TTC7B: variants seen among roughly 807,000 people sequenced by gnomAD.
TTC7B encodes tetratricopeptide repeat protein 7B.
Under a neutral mutation model 106.8 loss-of-function variants are expected in TTC7B, and 28 were observed. The ratio of observed to expected loss-of-function variants is 0.26; its 90% confidence interval spans 0.19 to 0.36. The LOEUF (loss-of-function observed/expected upper bound fraction) is 0.36. TTC7B is among the 10% of genes least tolerant of loss of function. The pLI is 1.00. For missense variants in TTC7B, 862 were observed against 1,076.4 expected (o/e 0.80, Z 2.79); for synonymous variants, 405 against 430.6 (o/e 0.94, Z 0.74).
chr14:90,771,850 CTT>C (rs1424652457), intron 3 of TTC7B, among the ~76,000 whole-genome samples: 1 of 147,582 alleles, frequency 6.8e-6, no homozygotes, highest in Non-Finnish European at 1.5e-5. Flanking sequence ...TGGTACCTGA[CTT>C]TATTTATAAA....
chr14:90,795,665 GCA>G (rs747748655), intron 1 of TTC7B, among the ~76,000 whole-genome samples: 13 of 152,166 alleles, frequency 8.5e-5, no homozygotes, highest in Non-Finnish European at 1.8e-4. Flanking sequence ...AATATGTAAC[GCA>G]CATAGTCTGA....
intron 17 of TTC7B, chr14:90,593,950 T>C (rs1566788368): frequency 5.1e-6 from 1 of 197,526 alleles, no homozygotes. Context: ...TGAAGTGCTA[T>C]AAGGGGACAT....
chr14:90,741,689 A>G (rs566863440), intron 4 of TTC7B, among the ~76,000 whole-genome samples: 2 of 152,362 alleles, frequency 1.3e-5, no homozygotes, highest in South Asian at 2.1e-4. Flanking sequence ...AAAAAGGCCA[A>G]TCAAGTATCT....
intron 19 of TTC7B, among the ~76,000 whole-genome samples, chr14:90,574,985 A>G (rs1328201729): frequency 6.6e-6 from 1 of 151,698 alleles, no homozygotes; most frequent in Non-Finnish European, 1.5e-5. Flanking sequence ...TGACCTTCTG[A>G]CCCTGGCCTC....
In TTC7B at chr14:90,530,525, G is replaced by T. The variant is rs1334122264; in HGVS notation, c.*10843C>A. On this transcript the variant is annotated 3_prime_UTR_variant, in exon 20 of 20. Coordinates refer to ENST00000328459, the MANE Select transcript of TTC7B (RefSeq NM_001010854.2). ...ATTTGATGAGGGATCTTCAGATGGG[G>T]AGAGTGTCTTGGATTATCCAGGTAA... 1 of 152,236 alleles carries T rather than the reference G, an allele frequency of 6.6e-6. No individual in the cohort carries two copies. Among genetic ancestry groups the T allele is most frequent in the African/African-American group, 2.4e-5 (1 of 41,446 alleles). 9.4% of individuals were successfully genotyped at this position (152,236 alleles called of 1,614,324 possible). A position where few individuals can be genotyped will look rare whatever the true frequency, so the allele number is the denominator to read the frequency against.
intron 19 of TTC7B, among the ~76,000 whole-genome samples, chr14:90,559,917 C>T (rs527504099): frequency 7.0e-4 from 107 of 152,292 alleles, no homozygotes; most frequent in Non-Finnish European, 3.2e-4. Flanking sequence ...CCACAACGCG[C>T]GCTCCCCCAC....
At chr14:90,724,025 G>A (rs576792103) in intron 5 of TTC7B, among the ~76,000 whole-genome samples, 1 of 152,154 alleles carries the variant, frequency 6.6e-6, no homozygotes, top group Admixed American at 6.5e-5. Context: ...ATATCCTGTA[G>A]AATACACACA....
At chr14:90,669,738 C>T (rs1464458053) in intron 9 of TTC7B, among the ~76,000 whole-genome samples, 1 of 152,166 alleles carries the variant, frequency 6.6e-6, no homozygotes, top group Non-Finnish European at 1.5e-5. Context: ...TATCACATCA[C>T]ACCTACCAGA....
intron 15 of TTC7B, among the ~76,000 whole-genome samples, chr14:90,628,235 G>A (rs1245734686): frequency 6.6e-6 from 1 of 152,256 alleles, no homozygotes; most frequent in African/African-American, 2.4e-5. Context: ...CTTCCTGTCA[G>A]ACTACTCTGG....
intron 15 of TTC7B, among the ~76,000 whole-genome samples, chr14:90,638,265 TA>T (rs1291564077): frequency 6.6e-6 from 1 of 151,958 alleles, no homozygotes; most frequent in Non-Finnish European, 1.5e-5. Context: ...TAAGACAAGT[TA>T]AAAAAATGGA....
intron 19 of TTC7B, among the ~76,000 whole-genome samples, chr14:90,559,113 A>G (rs1229826655): frequency 1.3e-5 from 2 of 152,264 alleles, no homozygotes; most frequent in Non-Finnish European, 2.9e-5. Flanking sequence ...TGTGACGGGC[A>G]GGGCACAGTG....
In TTC7B at chr14:90,757,862, A is replaced by T. The variant is rs982834427; in HGVS notation, c.446-12940T>A. Among the ~76,000 whole-genome samples, 5 of 152,228 alleles carry T rather than the reference A, an allele frequency of 3.3e-5. No homozygotes were observed. Among genetic ancestry groups the T allele is most frequent in the African/African-American group, 1.2e-4 (5 of 41,460 alleles). On this transcript the variant is annotated intron_variant, in intron 3 of 19. Transcript: ENST00000328459. The surrounding 1 kb of genome is among the most constrained non-coding windows in gnomAD (Gnocchi z 4.1). ...ATGACCAGGAATTTTCGGTCCACGA[A>T]AAATATGACGTACTTCAATTCCTGC...
At chr14:90,650,740 T>C (rs909890107) in intron 13 of TTC7B, among the ~76,000 whole-genome samples, 4 of 152,228 alleles carry the variant, frequency 2.6e-5, no homozygotes, top group African/African-American at 9.7e-5. Context: ...AAGCAAGTCA[T>C]ATCAATTCAG....
chr14:90,745,313 A>AGAAGAAGAAG (rs57917232), intron 3 of TTC7B, among the ~76,000 whole-genome samples: 35 of 136,066 alleles, frequency 2.6e-4, no homozygotes, highest in African/African-American at 7.4e-4. Flanking sequence ...AAAAAAAAAA[A>AGAAGAAGAAG]AAGAAGAAGA....
rs532286029 is a variant in TTC7B at position 90,816,033 on chromosome 14, C to T, written c.121+142G>A. On this transcript the variant is annotated intron_variant, in intron 1 of 19. Transcript: ENST00000328459. ...CCCGGGCTCCCCCAGGCCCCGGTCC[C>T]GCGCACATCCCCTGGGCCGCAGCTC... is the stretch of plus-strand genomic sequence containing the variant. 7 of 943,090 alleles carry T rather than the reference C, an allele frequency of 7.4e-6. No homozygotes were observed. In the South Asian group the frequency reaches 3.4e-4, roughly 46 times the overall value. 58.4% of individuals were successfully genotyped at this position (943,090 alleles called of 1,614,324 possible). A position where few individuals can be genotyped will look rare whatever the true frequency, so the allele number is the denominator to read the frequency against.
intron 1 of TTC7B, among the ~76,000 whole-genome samples, chr14:90,813,400 C>G (rs2031007646): frequency 6.6e-6 from 1 of 152,056 alleles, no homozygotes; most frequent in Non-Finnish European, 1.5e-5. Flanking sequence ...TTTTGTTTAC[C>G]AGTGTATTTC....
At chr14:90,811,746 A>C (rs2030911042) in intron 1 of TTC7B, among the ~76,000 whole-genome samples, 1 of 152,252 alleles carries the variant, frequency 6.6e-6, no homozygotes, top group Non-Finnish European at 1.5e-5. Context: ...AGGATCCGAC[A>C]GGCAATGATC....
chr14:90,725,111 T>C (rs967555509), intron 5 of TTC7B, among the ~76,000 whole-genome samples: 14 of 152,352 alleles, frequency 9.2e-5, no homozygotes, highest in African/African-American at 3.4e-4. Flanking sequence ...GTGAATTCTC[T>C]TATGTTCACT....
At chr14:90,652,457 T>C (rs1356327955) in intron 13 of TTC7B, among the ~76,000 whole-genome samples, 2 of 144,772 alleles carry the variant, frequency 1.4e-5, no homozygotes, top group Admixed American at 7.1e-5. Flanking sequence ...CATTCCTTTA[T>C]ACAAAAACCT....
Sources: allele counts gnomAD v4.1 joint callset (sites outside exome capture counted in the v4.1 genomes callset), GRCh38; gene constraint gnomAD v4.1.1; non-coding constraint Gnocchi (gnomAD v3.1); transcripts MANE v1.5; gene names NCBI Gene and HGNC (gene_info 2026-07-23, HGNC 2026-07-21).